CNTNAP2: variants seen among roughly 807,000 people sequenced by gnomAD.
The protein encoded by CNTNAP2 is contactin-associated protein-like 2.
A neutral mutation model predicts 155.2 loss-of-function variants in CNTNAP2; 98 were observed. That is an observed-to-expected ratio of 0.63 (90% CI 0.54 to 0.75). CNTNAP2 has a LOEUF of 0.75. Ranked by LOEUF, CNTNAP2 falls within the 30% of genes least tolerant of loss-of-function variation. CNTNAP2 has a pLI of 0.00. For synonymous variants in CNTNAP2, 651 were observed against 631.2 expected (o/e 1.03, Z -0.47); for missense variants, 1,727 against 1,688.1 (o/e 1.02, Z -0.40).
chr7:147,000,403 T>A (rs1798398268), intron 3 of CNTNAP2, among the ~76,000 whole-genome samples: 1 of 152,124 alleles, frequency 6.6e-6, no homozygotes, highest in South Asian at 2.1e-4. Context: ...GCCAATTACT[T>A]TTGTCCCTTT....
At chr7:146,601,957 T>A (rs946966579) in intron 1 of CNTNAP2, among the ~76,000 whole-genome samples, 4 of 151,702 alleles carry the variant, frequency 2.6e-5, no homozygotes, top group Admixed American at 6.6e-5. Context: ...GTAAAAAAAA[T>A]AAATAAATAA....
intron 15 of CNTNAP2, among the ~76,000 whole-genome samples, chr7:147,981,817 G>GTGTGTGTGT (rs758963411): frequency 1.4e-5 from 2 of 138,920 alleles, no homozygotes; most frequent in South Asian, 2.3e-4. Flanking sequence ...GTGTGTGTGT[G>GTGTGTGTGT]GTTTTTTTTT....
intron 15 of CNTNAP2, among the ~76,000 whole-genome samples, chr7:148,077,263 C>T (rs1032299390): frequency 9.9e-5 from 15 of 151,418 alleles, no homozygotes; most frequent in African/African-American, 1.5e-4. Context: ...GCCGAGATCA[C>T]GCCATTGCAC....
intron 9 of CNTNAP2, among the ~76,000 whole-genome samples, chr7:147,376,989 CTG>C (rs2116924493): frequency 6.6e-6 from 1 of 151,762 alleles, no homozygotes; most frequent in South Asian, 2.1e-4. Flanking sequence ...TTCTTAGTTC[CTG>C]TGTGTTAGAC....
At chr7:148,060,326 G>C (rs1803106683) in intron 15 of CNTNAP2, among the ~76,000 whole-genome samples, 1 of 151,928 alleles carries the variant, frequency 6.6e-6, no homozygotes, top group Non-Finnish European at 1.5e-5. Flanking sequence ...TTGTTTTTAA[G>C]TGATTTCTTT....
intron 1 of CNTNAP2, among the ~76,000 whole-genome samples, chr7:146,529,178 A>G (rs1033696165): frequency 6.6e-6 from 1 of 152,218 alleles, no homozygotes; most frequent in Non-Finnish European, 1.5e-5. Context: ...CACAGTCTAT[A>G]GCATGTGGTC....
chr7:146,273,074 GAGAGAA>G lies in CNTNAP2; in HGVS notation c.97+156113_97+156118del, dbSNP rs113894001. Among the ~76,000 whole-genome samples, 581 of 141,744 alleles carry G rather than the reference GAGAGAA, an allele frequency of 4.1e-3. 9 individuals are homozygous for G. Among genetic ancestry groups the G allele is most frequent in the African/African-American group, 0.016 (522 of 32,062 alleles). 93.0% of individuals were successfully genotyped at this position (141,744 alleles called of 152,430 possible). A position where few individuals can be genotyped will look rare whatever the true frequency, so the allele number is the denominator to read the frequency against. On this transcript the variant is annotated intron_variant, in intron 1 of 23. Transcript: ENST00000361727. ...TGTGGGATGGTGAGGGTGGAAGGGT[GAGAGAA>G]AGAGAAAGAGAGAGAGAGAGAGAGA... is the stretch of plus-strand genomic sequence containing the variant.
At chr7:147,728,689 C>G (rs1368809486) in intron 13 of CNTNAP2, among the ~76,000 whole-genome samples, 1 of 151,970 alleles carries the variant, frequency 6.6e-6, no homozygotes. Context: ...AATCAATTTC[C>G]TTCTGCAAGT....
At chr7:147,273,172 G>A (rs1335782288) in intron 8 of CNTNAP2, among the ~76,000 whole-genome samples, 2 of 152,044 alleles carry the variant, frequency 1.3e-5, no homozygotes, top group African/African-American at 4.8e-5. Context: ...TAAACGGGCG[G>A]GATTGAATTC....
chr7:147,196,441 A>G (rs1393130417), intron 8 of CNTNAP2, among the ~76,000 whole-genome samples: 1 of 152,238 alleles, frequency 6.6e-6, no homozygotes, highest in African/African-American at 2.4e-5. Flanking sequence ...TTGTTAAGAC[A>G]CAAACACCAA....
At chr7:147,748,589 G>A (rs1213268778) in intron 13 of CNTNAP2, among the ~76,000 whole-genome samples, 2 of 152,160 alleles carry the variant, frequency 1.3e-5, no homozygotes, top group Non-Finnish European at 2.9e-5. Context: ...GCCATTAGGA[G>A]CATGTTTTTC....
chr7:147,809,803 C>T (rs557596364), intron 13 of CNTNAP2, among the ~76,000 whole-genome samples: 1 of 152,224 alleles, frequency 6.6e-6, no homozygotes, highest in Admixed American at 6.5e-5. Context: ...AGAGACAGAA[C>T]CTATTTGTTC....
At position 147,069,093 on chromosome 7, in the gene CNTNAP2, G is replaced by A. The variant is rs1216016784; in HGVS notation, c.550+25039G>A. On this transcript the variant is annotated intron_variant, in intron 4 of 23. Transcript: ENST00000361727. ...ATTTTTAACAATCAGATCTCATGGG[G>A]AAAATATAGAGCAAGAATTCACTCA... 2.0e-5 allele frequency among the ~76,000 whole-genome samples: 3 copies of A among 152,080 alleles called. No individual in the cohort carries two copies. In the East Asian group the frequency reaches 5.8e-4, roughly 29 times the overall value.
intron 13 of CNTNAP2, among the ~76,000 whole-genome samples, chr7:147,839,323 G>A (rs1383188060): frequency 6.6e-6 from 1 of 152,090 alleles, no homozygotes; most frequent in Non-Finnish European, 1.5e-5. Context: ...TTGACACTCA[G>A]TATTAACCAT....
chr7:148,096,549 A>G (rs534832883), intron 15 of CNTNAP2, among the ~76,000 whole-genome samples: 1 of 152,248 alleles, frequency 6.6e-6, no homozygotes, highest in East Asian at 1.9e-4. Context: ...GTGAATATTC[A>G]TGAAGCCACC....
intron 1 of CNTNAP2, among the ~76,000 whole-genome samples, chr7:146,667,490 T>C (rs1324789766): frequency 1.3e-5 from 2 of 152,018 alleles, no homozygotes; most frequent in Non-Finnish European, 2.9e-5. Flanking sequence ...ATTTTAGGAT[T>C]TTTTTTCTAT....
intron 10 of CNTNAP2, among the ~76,000 whole-genome samples, chr7:147,440,114 TTTG>T (rs1797612590): frequency 6.6e-6 from 1 of 152,042 alleles, no homozygotes; most frequent in Admixed American, 6.5e-5. Flanking sequence ...TTCTTTCTTT[TTTG>T]TTGTTGTTTT....
intron 3 of CNTNAP2, among the ~76,000 whole-genome samples, chr7:146,946,090 C>CTTCG (rs1797166110): frequency 2.0e-5 from 3 of 150,696 alleles, no homozygotes; most frequent in South Asian, 2.1e-4. Flanking sequence ...TCCTTCCTTC[C>CTTCG]TTCCTTTCCT....
Position 147,315,574 on chromosome 7 carries a change from C to T in CNTNAP2, c.1498+15284C>T, listed in dbSNP as rs989046245. 3.0e-4 allele frequency among the ~76,000 whole-genome samples: 45 copies of T among 150,488 alleles called. No homozygotes were observed. In the East Asian group the frequency reaches 6.0e-3, roughly 20 times the overall value. ...TCGGCTCACTGCAAGCTCCGCCTCCCGGGTTCACGCCATTCTCCTGCCTCA... is the reference window on the plus strand; with the variant it reads ...TCGGCTCACTGCAAGCTCCGCCTCCTGGGTTCACGCCATTCTCCTGCCTCA... On this transcript the variant is annotated intron_variant, in intron 9 of 23. Transcript: ENST00000361727.
Sources: gnomAD v4.1 joint callset for allele counts (sites outside exome capture counted in the v4.1 genomes callset) on GRCh38, gnomAD v4.1.1 for gene constraint, MANE v1.5 for transcripts, NCBI Gene and HGNC (gene_info 2026-07-23, HGNC 2026-07-21) for gene names.